DIP2C: variants seen among roughly 807,000 people sequenced by gnomAD.
The protein encoded by DIP2C is DIP2 acetate--CoA ligase C (putative), also known as disco-interacting protein 2 homolog C.
A neutral mutation model predicts 192.4 loss-of-function variants in DIP2C; 33 were observed. The observed-to-expected ratio is 0.17, with a 90% CI of 0.13 to 0.23. The LOEUF is 0.23. Among genes scored for constraint, DIP2C ranks in the 10% least tolerant of loss-of-function variants. DIP2C has a pLI of 1.00. For synonymous variants in DIP2C, 979 were observed against 864.1 expected (o/e 1.13, Z -2.33); for missense variants, 1,537 against 2,110.1 (o/e 0.73, Z 5.32).
intron 24 of DIP2C, among the ~76,000 whole-genome samples, chr10:353,110 A>G (rs955523360): frequency 1.3e-5 from 2 of 152,162 alleles, no homozygotes; most frequent in African/African-American, 4.8e-5. Flanking sequence ...CCATTTCATC[A>G]GAGAAATGAG....
intron 1 of DIP2C, among the ~76,000 whole-genome samples, chr10:604,174 T>C (rs549603849): frequency 1.3e-3 from 203 of 151,698 alleles, no homozygotes; most frequent in African/African-American, 4.5e-3. Flanking sequence ...CCCATCTCAC[T>C]GTCTGTTACG....
chr10:382,633 A>C lies in DIP2C; in HGVS notation c.1991+14T>G. 1.9e-6 allele frequency: 3 copies of C among 1,600,744 alleles called. No individual in the cohort carries two copies. Among genetic ancestry groups the C allele is most frequent in the Admixed American group, 1.7e-5 (1 of 59,702 alleles). On this transcript the variant is annotated intron_variant, in intron 17 of 36. Coordinates refer to ENST00000280886, the MANE Select transcript of DIP2C (RefSeq NM_014974.3). ...GTCTCTAGGTTATCTACGTAAATCAACATGACCCAGTACCTCCGGATGGCC... is the reference window on the plus strand; with the variant it reads ...GTCTCTAGGTTATCTACGTAAATCACCATGACCCAGTACCTCCGGATGGCC...
rs1461175094 is a variant in DIP2C at position 485,023 on chromosome 10, C to T, written c.157+1436G>A. 3.4e-6 allele frequency: 5 copies of T among 1,484,126 alleles called. No individual in the cohort carries two copies. The Admixed American group carries it at 8.3e-5, about 25-fold the overall frequency. 91.9% of individuals were successfully genotyped at this position (1,484,126 alleles called of 1,614,324 possible). On this transcript the variant is annotated intron_variant, in intron 2 of 36. Coordinates refer to ENST00000280886, the MANE Select transcript of DIP2C (RefSeq NM_014974.3). ...AAATTTGTTACAGCGCTGAGCAGAG[C>T]TGCCGACCCCATGCAGGACAGCACA... is the stretch of plus-strand genomic sequence containing the variant.
At chr10:533,783 C>T (rs1010962728) in intron 1 of DIP2C, among the ~76,000 whole-genome samples, 9 of 152,222 alleles carry the variant, frequency 5.9e-5, no homozygotes, top group Admixed American at 3.9e-4. Flanking sequence ...CGGGCACCTA[C>T]TCAACCCTCC....
intron 1 of DIP2C, among the ~76,000 whole-genome samples, chr10:591,210 C>T (rs1851385112): frequency 6.6e-6 from 1 of 152,096 alleles, no homozygotes; most frequent in Non-Finnish European, 1.5e-5. Flanking sequence ...GCAACCTCTG[C>T]ACCTTCCCGG....
At chr10:537,618 C>T (rs1847764404) in intron 1 of DIP2C, among the ~76,000 whole-genome samples, 1 of 151,948 alleles carries the variant, frequency 6.6e-6, no homozygotes, top group African/African-American at 2.4e-5. Context: ...GGGTATCACC[C>T]ATGTTTCAGC....
intron 1 of DIP2C, among the ~76,000 whole-genome samples, chr10:551,289 G>A (rs1186096786): frequency 6.6e-6 from 1 of 151,890 alleles, no homozygotes; most frequent in African/African-American, 2.4e-5. Context: ...CGCCCACCCC[G>A]CCATGGAGCC....
At chr10:360,175 T>C (rs1470583894) in intron 22 of DIP2C, among the ~76,000 whole-genome samples, 1 of 152,154 alleles carries the variant, frequency 6.6e-6, no homozygotes, top group Non-Finnish European at 1.5e-5. Context: ...GAATGGAAGT[T>C]TGGGACCTTG....
chr10:563,742 A>C (rs1849329203), intron 1 of DIP2C, among the ~76,000 whole-genome samples: 1 of 152,234 alleles, frequency 6.6e-6, no homozygotes, highest in African/African-American at 2.4e-5. Flanking sequence ...AGAGACTTTT[A>C]AAGATTATTA....
At chr10:392,649 C>T (rs1156536983) in intron 10 of DIP2C, among the ~76,000 whole-genome samples, 1 of 152,204 alleles carries the variant, frequency 6.6e-6, no homozygotes, top group African/African-American at 2.4e-5. Context: ...TTAACCATGT[C>T]TCACCCTACA....
chr10:633,789 A>T (rs1016373416), intron 1 of DIP2C, among the ~76,000 whole-genome samples: 4 of 152,258 alleles, frequency 2.6e-5, no homozygotes, highest in African/African-American at 9.6e-5. Context: ...AAATAACTGC[A>T]GACGAGTTTT....
At chr10:537,871 C>T (rs2130887941) in intron 1 of DIP2C, among the ~76,000 whole-genome samples, 1 of 151,460 alleles carries the variant, frequency 6.6e-6, no homozygotes, top group Non-Finnish European at 1.5e-5. Flanking sequence ...CTCACTGCAG[C>T]CTCCACCTCC....
intron 1 of DIP2C, among the ~76,000 whole-genome samples, chr10:573,734 T>C (rs1588490786): frequency 6.6e-6 from 1 of 151,952 alleles, no homozygotes; most frequent in Non-Finnish European, 1.5e-5. Flanking sequence ...TCTTTTTAAG[T>C]GATTATGTGC....
chr10:631,067 C>T (rs1232453886), intron 1 of DIP2C: 1 of 152,234 alleles, frequency 6.6e-6, no homozygotes, highest in Non-Finnish European at 1.5e-5. Context: ...CTCCTCTGCC[C>T]CAACCCTGGA....
chr10:414,930 C>T (rs1207679171), intron 7 of DIP2C, among the ~76,000 whole-genome samples: 1 of 114,178 alleles, frequency 8.8e-6, no homozygotes, highest in Admixed American at 1.1e-4. Flanking sequence ...TTGGTAGAGA[C>T]AGGGTTTTGC....
At chr10:518,105 T>C (rs1019193108) in intron 1 of DIP2C, among the ~76,000 whole-genome samples, 12 of 152,198 alleles carry the variant, frequency 7.9e-5, no homozygotes, top group African/African-American at 2.4e-4. Flanking sequence ...GGCCAGCAAG[T>C]CCTGGTCAGC....
chr10:320,708 CAGG>C (rs1956967088), intron 31 of DIP2C, among the ~76,000 whole-genome samples: 1 of 152,108 alleles, frequency 6.6e-6, no homozygotes, highest in Admixed American at 6.6e-5. Flanking sequence ...CACTTGAGGC[CAGG>C]AGTTCAAGAC....
intron 19 of DIP2C, among the ~76,000 whole-genome samples, chr10:365,654 TAA>T (rs1960101463): frequency 6.6e-6 from 1 of 152,250 alleles, no homozygotes; most frequent in Admixed American, 6.5e-5. Context: ...GGTAAAAAGA[TAA>T]GAGTTCTGAG....
In DIP2C at chr10:486,340, C is replaced by T. The variant is rs546815820; in HGVS notation, c.157+119G>A. ...AGGAACTGAATGCCTGGAGGGTGAACGCCAGACGCCTCCTCCTGCCGACTG... is the reference window on the plus strand; with the variant it reads ...AGGAACTGAATGCCTGGAGGGTGAATGCCAGACGCCTCCTCCTGCCGACTG... On this transcript the variant is annotated intron_variant, in intron 2 of 36. Coordinates refer to ENST00000280886, the MANE Select transcript of DIP2C (RefSeq NM_014974.3). The T allele has an allele frequency of 1.0e-4, 92 of 903,440 alleles. No homozygotes were observed. The Admixed American group carries it at 2.2e-3, about 21-fold the overall frequency. 56.0% of individuals were successfully genotyped at this position (903,440 alleles called of 1,614,324 possible).
Sources: allele counts gnomAD v4.1 joint callset (sites outside exome capture counted in the v4.1 genomes callset), GRCh38; gene constraint gnomAD v4.1.1; transcripts MANE v1.5; gene names NCBI Gene and HGNC (gene_info 2026-07-23, HGNC 2026-07-21).